The following ROR1 variants were observed in gnomAD, a reference collection of about 807,000 sequenced individuals.
ROR1 encodes inactive tyrosine-protein kinase transmembrane receptor ROR1.
Under a neutral mutation model 78.8 loss-of-function variants are expected in ROR1, and 19 were observed. That is an observed-to-expected ratio of 0.24 (90% CI 0.17 to 0.35). The LOEUF is 0.35. Among genes scored for constraint, ROR1 ranks in the 10% least tolerant of loss-of-function variants. The pLI is 1.00. For missense variants in ROR1, 917 were observed against 1,177.8 expected (o/e 0.78, Z 3.24); for synonymous variants, 386 against 433.6 (o/e 0.89, Z 1.36).
At chr1:64,059,607 GC>G (rs1158068057) in intron 4 of ROR1, among the ~76,000 whole-genome samples, 6 of 151,700 alleles carry the variant, frequency 4.0e-5, no homozygotes, top group Admixed American at 3.9e-4. Context: ...TACTCAGGAG[GC>G]TGAGGCAGGA....
chr1:63,859,100 G>T (rs1645165105), intron 1 of ROR1, among the ~76,000 whole-genome samples: 1 of 152,170 alleles, frequency 6.6e-6, no homozygotes, highest in African/African-American at 2.4e-5. Context: ...GACTGGAGGA[G>T]TCCTGGTGTG....
chr1:63,838,813 A>G (rs1394442328), intron 1 of ROR1, among the ~76,000 whole-genome samples: 2 of 152,190 alleles, frequency 1.3e-5, no homozygotes, highest in Admixed American at 6.5e-5. Context: ...TCCATTCATG[A>G]TAAGTGCTCT....
chr1:63,788,852 T>C (rs1644707626), intron 1 of ROR1: 1 of 739,446 alleles, frequency 1.4e-6, no homozygotes, highest in Non-Finnish European at 2.4e-6. Context: ...AGGAGCTTCA[T>C]GCGAGCCTTA....
intron 1 of ROR1, among the ~76,000 whole-genome samples, chr1:63,895,833 C>T (rs952947723): frequency 6.6e-6 from 1 of 152,050 alleles, no homozygotes; most frequent in African/African-American, 2.4e-5. Flanking sequence ...GATTTTCTTT[C>T]TATTTTGTCT....
chr1:63,891,647 A>G (rs1295891113), intron 1 of ROR1, among the ~76,000 whole-genome samples: 1 of 152,164 alleles, frequency 6.6e-6, no homozygotes, highest in Non-Finnish European at 1.5e-5. Context: ...GCCCTCAGAT[A>G]TTCATGCCTC....
chr1:64,018,222 C>G (rs1424685785), intron 2 of ROR1, among the ~76,000 whole-genome samples: 1 of 152,112 alleles, frequency 6.6e-6, no homozygotes, highest in Non-Finnish European at 1.5e-5. Flanking sequence ...CTTAAAAGGT[C>G]TGCTTGGCTA....
chr1:63,969,477 G>A (rs1366412242), intron 1 of ROR1, among the ~76,000 whole-genome samples: 1 of 152,088 alleles, frequency 6.6e-6, no homozygotes, highest in Non-Finnish European at 1.5e-5. Context: ...CATAGCACTG[G>A]TAGTCAGCTG....
intron 4 of ROR1, among the ~76,000 whole-genome samples, chr1:64,124,489 G>A (rs1355154053): frequency 6.6e-6 from 1 of 151,650 alleles, no homozygotes; most frequent in East Asian, 1.9e-4. Context: ...TCCTTCCATG[G>A]GGAGCATTGC....
chr1:64,030,461 C>T lies in ROR1; in HGVS notation c.164-19230C>T, dbSNP rs368708630. Among the ~76,000 whole-genome samples the T allele has an allele frequency of 1.6e-4, 24 of 152,268 alleles. 1 individual carries two copies. The highest frequency in any genetic ancestry group is 4.6e-4 in the African/African-American group (19 of 41,542). ...TTACAATTTCCACTTCCACATGGTC[C>T]TATAAAATAGTTCCCATCTTTTATA... On this transcript the variant is annotated intron_variant, in intron 2 of 8. Transcript: ENST00000371079.
intron 1 of ROR1, among the ~76,000 whole-genome samples, chr1:63,798,272 T>C (rs910493304): frequency 1.3e-5 from 2 of 152,224 alleles, no homozygotes; most frequent in African/African-American, 4.8e-5. Context: ...TTTGACGCTC[T>C]GCAGGGAAAT....
At chr1:64,101,232 G>A (rs1056747769) in intron 4 of ROR1, among the ~76,000 whole-genome samples, 1 of 152,130 alleles carries the variant, frequency 6.6e-6, no homozygotes, top group African/African-American at 2.4e-5. Flanking sequence ...GGGACATCAA[G>A]GGACTCCATG....
chr1:63,835,641 A>G (rs965394462), intron 1 of ROR1, among the ~76,000 whole-genome samples: 1 of 152,264 alleles, frequency 6.6e-6, no homozygotes, highest in Non-Finnish European at 1.5e-5. Context: ...TGTTAGAAGC[A>G]CTATGGGTAG....
intron 4 of ROR1, among the ~76,000 whole-genome samples, chr1:64,058,675 G>A (rs1646893723): frequency 6.6e-6 from 1 of 151,006 alleles, no homozygotes; most frequent in African/African-American, 2.4e-5. Context: ...GCTTGTATTA[G>A]AATAATTCCT....
chr1:64,116,145 T>C (rs1378429145), intron 4 of ROR1, among the ~76,000 whole-genome samples: 1 of 152,278 alleles, frequency 6.6e-6, no homozygotes, highest in African/African-American at 2.4e-5. Flanking sequence ...GATGAGACCA[T>C]CCCGTTCCAC....
At chr1:64,139,958 A>T in intron 5 of ROR1, 151 bp from the exon 6 acceptor site, 1 of 682,932 alleles carries the variant, frequency 1.5e-6, no homozygotes, top group South Asian at 2.0e-5. Context: ...AGCTGCTTAG[A>T]CATCTGAAAT....
chr1:63,904,892 C>A lies in ROR1; in HGVS notation c.92-104413C>A, dbSNP rs570683778. Among the ~76,000 whole-genome samples the A allele has an allele frequency of 2.0e-5, 3 of 152,322 alleles. No individual in the cohort carries two copies. The East Asian group carries it at 5.8e-4, about 29-fold the overall frequency. ...TGAGACAAATTCCTGTTGTTTGATT[C>A]TGTGGCACTTGGTTATAGCAGCCCT... On this transcript the variant is annotated intron_variant, in intron 1 of 8. Transcript: ENST00000371079.
At chr1:63,903,611 C>T (rs946724982) in intron 1 of ROR1, among the ~76,000 whole-genome samples, 1 of 152,100 alleles carries the variant, frequency 6.6e-6, no homozygotes, top group Non-Finnish European at 1.5e-5. Context: ...TCCTGCTCAC[C>T]CCATGTCCAT....
At chr1:63,839,862 C>T (rs1446156737) in intron 1 of ROR1, among the ~76,000 whole-genome samples, 4 of 151,968 alleles carry the variant, frequency 2.6e-5, no homozygotes, top group African/African-American at 2.4e-5. Context: ...GGTATTTCAT[C>T]ATTATTTTCT....
chr1:63,888,383 G>A (rs554718946), intron 1 of ROR1, among the ~76,000 whole-genome samples: 1 of 152,192 alleles, frequency 6.6e-6, no homozygotes, highest in East Asian at 1.9e-4. Context: ...GGGAAGATGA[G>A]GTGGGAGGAC....
Sources: allele counts gnomAD v4.1 joint callset (sites outside exome capture counted in the v4.1 genomes callset), GRCh38; gene constraint gnomAD v4.1.1; transcripts MANE v1.5; gene names NCBI Gene and HGNC (gene_info 2026-07-23, HGNC 2026-07-21).